CRLS1: variants seen among roughly 807,000 people sequenced by gnomAD.
CRLS1 encodes the protein cardiolipin synthase 1, also known as cardiolipin synthase (CMP-forming).
Under a neutral mutation model 37.0 loss-of-function variants are expected in CRLS1, and 24 were observed. That is an observed-to-expected ratio of 0.65 (90% confidence interval 0.47 to 0.91). The LOEUF is 0.91. Among genes scored for constraint, CRLS1 ranks in the 40% least tolerant of loss-of-function variants. CRLS1 has a pLI of 0.00. For missense variants in CRLS1, 373 were observed against 395.8 expected (o/e 0.94, Z 0.49); for synonymous variants, 135 against 159.7 (o/e 0.85, Z 1.17).
intron 3 of CRLS1, among the ~76,000 whole-genome samples, chr20:6,029,209 A>C (rs1283571356): frequency 6.6e-6 from 1 of 152,058 alleles, no homozygotes; most frequent in African/African-American, 2.4e-5. Flanking sequence ...AGAGATGCTA[A>C]TTGTTAGGTC....
At chr20:6,020,453 CATA>C (rs1352242569) in intron 3 of CRLS1, among the ~76,000 whole-genome samples, 1 of 152,138 alleles carries the variant, frequency 6.6e-6, no homozygotes, top group African/African-American at 2.4e-5. Context: ...CAATTTCAGT[CATA>C]ATAACCTTGT....
rs1021552443 is a variant in CRLS1 at position 6,038,624 on chromosome 20, TAGG to T, written c.*1469_*1471del. On this transcript the variant is annotated 3_prime_UTR_variant, in exon 7 of 7. Transcript: ENST00000378863. ...GCTCTCTGGAGAACAGCTTCATTGTTAGGAGTAGTTAGGCTGAAAGTGGACTTC... is the reference window on the plus strand; with the variant it reads ...GCTCTCTGGAGAACAGCTTCATTGTTAGTAGTTAGGCTGAAAGTGGACTTC... The T allele has an allele frequency of 6.6e-6, 1 of 152,194 alleles. No homozygotes were observed. Among genetic ancestry groups the T allele is most frequent in the African/African-American group, 2.4e-5 (1 of 41,434 alleles). 9.4% of individuals were successfully genotyped at this position (152,194 alleles called of 1,614,324 possible).
At chr20:6,011,776 G>T (rs1978335276) in intron 2 of CRLS1, among the ~76,000 whole-genome samples, 1 of 150,344 alleles carries the variant, frequency 6.7e-6, no homozygotes, top group South Asian at 2.1e-4. Flanking sequence ...AGTAGATATG[G>T]GGTTTCATCA....
chr20:6,035,670 G>A (rs575717081), intron 6 of CRLS1, among the ~76,000 whole-genome samples: 1 of 152,034 alleles, frequency 6.6e-6, no homozygotes, highest in Non-Finnish European at 1.5e-5. Flanking sequence ...CACCCAGCCT[G>A]TAGTACAGTG....
intron 3 of CRLS1, chr20:6,026,303 G>GTGTGTT (rs1568626825): frequency 6.8e-6 from 1 of 147,030 alleles, no homozygotes; most frequent in Non-Finnish European, 1.5e-5. Flanking sequence ...TTAGCATGTG[G>GTGTGTT]TGTGAGTGTT....
chr20:6,034,626 C>A, intron 6 of CRLS1, 71 bp downstream of exon 6: 2 of 1,101,600 alleles, frequency 1.8e-6, no homozygotes, highest in Non-Finnish European at 1.4e-6. Context: ...CTAGAATGAC[C>A]TTGTTCTTAC....
At chr20:6,032,149 G>A (rs979554695) in intron 5 of CRLS1, 69 bp downstream of exon 5, 3 of 1,203,626 alleles carry the variant, frequency 2.5e-6, no homozygotes, top group Admixed American at 1.8e-5. Context: ...ATAAACCTTA[G>A]TCAAGAACAG....
Position 6,037,786 on chromosome 20 carries a change from AT to A in CRLS1, c.*631del, listed in dbSNP as rs1980675128. The A allele has an allele frequency of 6.6e-6, 1 of 152,212 alleles. No individual in the cohort carries two copies. The highest frequency in any genetic ancestry group is 2.1e-4 in the South Asian group (1 of 4,826). The allele number at this position is 152,212 out of a possible 1,614,324, so 9.4% of individuals were successfully genotyped here. Reference sequence around the variant, plus strand: ...CTTCCAACCTCTCAGGTGCCTAATAATTTATGTTTGAGGATAACAGGTAACA... The same window carrying A: ...CTTCCAACCTCTCAGGTGCCTAATAATTATGTTTGAGGATAACAGGTAACA... On this transcript the variant is annotated 3_prime_UTR_variant, in exon 7 of 7. Coordinates refer to ENST00000378863, the MANE Select transcript of CRLS1 (RefSeq NM_019095.6).
intron 1 of CRLS1, chr20:6,007,110 C>G (rs1248892876): frequency 1.0e-5 from 6 of 587,394 alleles, no homozygotes; most frequent in Non-Finnish European, 1.5e-5. Flanking sequence ...AGTATTTGTC[C>G]ACTTACCTGT....
In CRLS1 at chr20:6,039,529, A is replaced by G. The variant is rs527637599; in HGVS notation, c.*2371A>G. Reference sequence around the variant, plus strand: ...CTGCAGCATGGTTTGGAAACAAAAGATACATAGGATTTAAACTCGATTTGT... The same window carrying G: ...CTGCAGCATGGTTTGGAAACAAAAGGTACATAGGATTTAAACTCGATTTGT... On this transcript the variant is annotated 3_prime_UTR_variant, in exon 7 of 7. Coordinates refer to ENST00000378863, the MANE Select transcript of CRLS1 (RefSeq NM_019095.6). 11 of 152,280 alleles carry G rather than the reference A, an allele frequency of 7.2e-5. No homozygotes were observed. The highest frequency in any genetic ancestry group is 2.6e-4 in the African/African-American group (11 of 41,548). The allele number at this position is 152,280 out of a possible 1,614,324, so 9.4% of individuals were successfully genotyped here.
chr20:6,014,109 C>CT (rs1193735215), intron 2 of CRLS1, among the ~76,000 whole-genome samples: 2 of 152,124 alleles, frequency 1.3e-5, no homozygotes, highest in African/African-American at 2.4e-5. Context: ...CTAGTAACTG[C>CT]TTTTTTTGAG....
At position 6,034,468 on chromosome 20, in the gene CRLS1, A is replaced by G. The variant is rs769049210; in HGVS notation, c.734A>G (p.Asn245Ser). ...RLKPTFISKV[N>S]TAVQLILVAA... ...ACTTTTTCTTTTTTTATTTAGGTGAATACAGCAGTCCAGTTAATCTTGGTG... is the reference window on the plus strand; with the variant it reads ...ACTTTTTCTTTTTTTATTTAGGTGAGTACAGCAGTCCAGTTAATCTTGGTG... The change falls in exon 6 of 7, where the codon AAT becomes AGT. Residue 245 changes from asparagine (N) to serine (S), a missense_variant. Physicochemically the swap from Asn to Ser is conservative, Grantham distance 46. Transcript: ENST00000378863. 1 of 1,611,258 alleles carries G rather than the reference A, an allele frequency of 6.2e-7. No individual in the cohort carries two copies. The highest frequency in any genetic ancestry group is 1.7e-5 in the Admixed American group (1 of 59,988).
At chr20:6,025,769 A>G (rs1399572357) in intron 3 of CRLS1, among the ~76,000 whole-genome samples, 1 of 152,196 alleles carries the variant, frequency 6.6e-6, no homozygotes, top group African/African-American at 2.4e-5. Context: ...TCCAACCCAC[A>G]TGGATGATTT....
At chr20:6,021,799 T>C (rs1411144300) in intron 3 of CRLS1, among the ~76,000 whole-genome samples, 1 of 152,194 alleles carries the variant, frequency 6.6e-6, no homozygotes, top group Non-Finnish European at 1.5e-5. Context: ...TATTTTTAAA[T>C]TATATTTTCT....
Position 6,034,491 on chromosome 20 carries a change from G to T in CRLS1, c.757G>T (p.Val253Leu), listed in dbSNP as rs772875563. The change falls in exon 6 of 7, where the codon GTG becomes TTG. Residue 253 changes from valine to leucine, a missense_variant. Transcript: ENST00000378863. ...GAATACAGCAGTCCAGTTAATCTTG[G>T]TGGCAGCTTCTTTGGCAGCTCCAGT... The part of the protein sequence containing the change: ...KVNTAVQLIL[V>L]AASLAAPVFN... 6.2e-7 allele frequency: 1 copy of T among 1,613,030 alleles called. No individual in the cohort carries two copies. The highest frequency in any genetic ancestry group is 8.5e-7 in the Non-Finnish European group (1 of 1,179,902).
Position 6,006,355 on chromosome 20 carries a change from C to T in CRLS1, c.109C>T (p.Pro37Ser). Reference protein sequence around the residue: ...KRRACWALLPPVPCCLGCLAE... With the variant: ...KRRACWALLPSVPCCLGCLAE... ...ACGCGCCTGCTGGGCCCTGCTGCCG[C>T]CCGTGCCCTGCTGCTTGGGCTGCCT... is the stretch of plus-strand genomic sequence containing the variant. Residue 37 changes from proline to serine, a missense_variant, in exon 1 of 7, where the codon CCC (proline) becomes TCC (serine). Pro to Ser is a moderately conservative substitution (Grantham distance 74). Coordinates refer to ENST00000378863, the MANE Select transcript of CRLS1 (RefSeq NM_019095.6). The T allele has an allele frequency of 5.0e-6, 7 of 1,397,472 alleles. No homozygotes were observed. The highest frequency in any genetic ancestry group is 1.5e-5 in the South Asian group (1 of 64,638). The allele number at this position is 1,397,472 out of a possible 1,614,324, so 86.6% of individuals were successfully genotyped here.
intron 5 of CRLS1, among the ~76,000 whole-genome samples, chr20:6,033,486 G>A (rs966351910): frequency 2.6e-5 from 4 of 152,080 alleles, no homozygotes; most frequent in East Asian, 1.9e-4. Flanking sequence ...GCTGCAGAAC[G>A]GGTGATAGAA....
rs1980773299 is a variant in CRLS1, at chr20:6,039,045, TTC to T, written c.*1888_*1889del. ...GACTCAAAACATGATGAAAATTCAT[TTC>T]ATTGTCTTCACTGAATAGACTTAAC... On this transcript the variant is annotated 3_prime_UTR_variant, in exon 7 of 7. Coordinates refer to ENST00000378863, the MANE Select transcript of CRLS1 (RefSeq NM_019095.6). 1.3e-5 allele frequency: 2 copies of T among 152,240 alleles called. No homozygotes were observed. Among genetic ancestry groups the T allele is most frequent in the African/African-American group, 4.8e-5 (2 of 41,466 alleles). 9.4% of individuals were successfully genotyped at this position (152,240 alleles called of 1,614,324 possible).
intron 1 of CRLS1, among the ~76,000 whole-genome samples, chr20:6,008,397 G>A (rs955662473): frequency 1.3e-5 from 2 of 152,192 alleles, no homozygotes; most frequent in East Asian, 1.9e-4. Context: ...CCGCTGGGCC[G>A]AGGCTTTTCA....
Sources: allele counts gnomAD v4.1 joint callset (sites outside exome capture counted in the v4.1 genomes callset), GRCh38; gene constraint gnomAD v4.1.1; transcripts MANE v1.5; gene names NCBI Gene and HGNC (gene_info 2026-07-23, HGNC 2026-07-21).